AK2: variants seen among roughly 807,000 people sequenced by gnomAD.
The protein encoded by AK2 is adenylate kinase 2, mitochondrial.
In AK2, 15 loss-of-function variants were observed where a neutral mutation model predicts 24.6. The observed-to-expected ratio is 0.61, with a 90% CI of 0.41 to 0.94. AK2 has a LOEUF of 0.94. Ranked by LOEUF, AK2 falls within the 40% of genes least tolerant of loss-of-function variation. The pLI is 0.00. For synonymous variants in AK2, 102 were observed against 114.0 expected (o/e 0.90, Z 0.67); for missense variants, 257 against 304.1 (o/e 0.85, Z 1.15).
rs1403070727 is a variant in AK2, at chr1:33,010,498, G to T, written c.*2683C>A. 9.2e-6 allele frequency: 6 copies of T among 654,230 alleles called. No individual in the cohort carries two copies. Among genetic ancestry groups the T allele is most frequent in the Non-Finnish European group, 1.7e-5 (6 of 362,894 alleles). The allele number at this position is 654,230 out of a possible 1,614,324, so 40.5% of individuals were successfully genotyped here. On this transcript the variant is annotated 3_prime_UTR_variant, in exon 6 of 6. Coordinates refer to ENST00000672715, the MANE Select transcript of AK2 (RefSeq NM_001625.4). ...ATAAAAGCTGAGGTCTTAGAGCACT[G>T]GCTTTAAAAAATATTTTCACCAGTC...
At position 33,012,212 on chromosome 1, in the gene AK2, A is replaced by G; in HGVS notation, c.*969T>C. On this transcript the variant is annotated 3_prime_UTR_variant, in exon 6 of 6. Coordinates refer to ENST00000672715, the MANE Select transcript of AK2 (RefSeq NM_001625.4). Reference sequence around the variant, plus strand: ...AATTCAGTTTTCAAACCCAATTCCCAAATAATTGCTATTTTCAGCATCATG... The same window carrying G: ...AATTCAGTTTTCAAACCCAATTCCCGAATAATTGCTATTTTCAGCATCATG... The G allele has an allele frequency of 6.5e-7, 1 of 1,535,442 alleles. No individual in the cohort carries two copies. The highest frequency in any genetic ancestry group is 1.2e-5 in the South Asian group (1 of 84,052).
chr1:33,032,695 C>T (rs936726772), intron 1 of AK2, among the ~76,000 whole-genome samples: 3 of 152,266 alleles, frequency 2.0e-5, no homozygotes, highest in African/African-American at 7.2e-5. Flanking sequence ...CAGCACCCAC[C>T]ACCTGTGAAG....
intron 1 of AK2, 86 bp downstream of exon 1, chr1:33,036,650 G>T: frequency 1.5e-6 from 2 of 1,299,192 alleles, no homozygotes; most frequent in Non-Finnish European, 2.2e-6. Context: ...GGCCCGCTCC[G>T]GGCAGGTCCA....
rs1460045331 is a variant in AK2 at position 33,011,975 on chromosome 1, T to TA, written c.*1205dup. ...GTCCTGGAGAGAGACTGGGTTTGAA[T>TA]AAATACTGATCAAAATGAATCCAAG... On this transcript the variant is annotated 3_prime_UTR_variant, in exon 6 of 6. Transcript: ENST00000672715. 5.9e-6 allele frequency: 9 copies of TA among 1,534,794 alleles called. 1 individual carries two copies. The Admixed American group carries it at 1.8e-4, about 30-fold the overall frequency.
intron 1 of AK2, chr1:33,030,955 T>C (rs1176334784): frequency 6.6e-6 from 1 of 152,262 alleles, no homozygotes; most frequent in Non-Finnish European, 1.5e-5. Flanking sequence ...TACACAAATC[T>C]GTTCACATTG....
chr1:33,018,374 G>A (rs967624354), intron 4 of AK2, among the ~76,000 whole-genome samples: 1 of 151,954 alleles, frequency 6.6e-6, no homozygotes, highest in East Asian at 1.9e-4. Flanking sequence ...TCAAACAGCC[G>A]ACATCTGTGA....
In AK2 at chr1:33,021,674, A is replaced by G; in HGVS notation, c.249T>C (p.Ile83=). The part of the protein sequence containing the change: ...LVSDEMVVEL[I]EKNLETPLCK... ...ACAAGGGGGTCTCCAAATTCTTCTC[A>G]ATGAGCTCCACTACCATTTCATCAC... is the stretch of plus-strand genomic sequence containing the variant. Residue 83 remains isoleucine (I), a synonymous_variant, in exon 3 of 6, where the codon ATT becomes ATC. Transcript: ENST00000672715. 6.2e-7 allele frequency: 1 copy of G among 1,614,094 alleles called. No individual in the cohort carries two copies. The highest frequency in any genetic ancestry group is 8.5e-7 in the Non-Finnish European group (1 of 1,179,922).
chr1:33,011,440 A>T lies in AK2; in HGVS notation c.*1741T>A. The T allele has an allele frequency of 2.3e-6, 3 of 1,287,410 alleles. No individual in the cohort carries two copies. The highest frequency in any genetic ancestry group is 2.0e-6 in the Non-Finnish European group (2 of 988,790). The allele number at this position is 1,287,410 out of a possible 1,614,324, so 79.7% of individuals were successfully genotyped here. A position where few individuals can be genotyped will look rare whatever the true frequency, so the allele number is the denominator to read the frequency against. On this transcript the variant is annotated 3_prime_UTR_variant, in exon 6 of 6. Transcript: ENST00000672715. ...AAACAAGGCAGGACAGAGGCAGCAG[A>T]CACTCACTTGGACCAGGCAAAGAGG...
Position 33,009,837 on chromosome 1 carries a change from GCTT to G in AK2, c.*3341_*3343del, listed in dbSNP as rs1482940696. 8.8e-6 allele frequency: 4 copies of G among 454,368 alleles called. No individual in the cohort carries two copies. The Admixed American group carries it at 9.4e-5, about 11-fold the overall frequency. The allele number at this position is 454,368 out of a possible 1,614,324, so 28.1% of individuals were successfully genotyped here. A position where few individuals can be genotyped will look rare whatever the true frequency, so the allele number is the denominator to read the frequency against. On this transcript the variant is annotated 3_prime_UTR_variant, in exon 6 of 6. Coordinates refer to ENST00000672715, the MANE Select transcript of AK2 (RefSeq NM_001625.4). ...ACACAGCTGCCAGCGACAAGAAAGG[GCTT>G]CTTTTCCTTCCAGCCAGGTCCAGAA...
At chr1:33,018,773 C>G (rs1034854433) in intron 4 of AK2, among the ~76,000 whole-genome samples, 1 of 152,202 alleles carries the variant, frequency 6.6e-6, no homozygotes, top group Admixed American at 6.5e-5. Context: ...GAAATCTCCA[C>G]CACATCATGT....
intron 4 of AK2, among the ~76,000 whole-genome samples, chr1:33,021,051 TAGG>T (rs950881893): frequency 6.9e-6 from 1 of 144,540 alleles, no homozygotes; most frequent in East Asian, 2.1e-4. Flanking sequence ...GAGGTTGAGG[TAGG>T]AGAACTGCTT....
intron 1 of AK2, among the ~76,000 whole-genome samples, chr1:33,030,271 T>C (rs991357686): frequency 1.3e-5 from 2 of 152,184 alleles, no homozygotes; most frequent in African/African-American, 4.8e-5. Context: ...ATTTCTCCCA[T>C]CAAAAGCCTA....
intron 1 of AK2, among the ~76,000 whole-genome samples, chr1:33,032,828 G>A (rs1363770021): frequency 2.6e-5 from 4 of 152,164 alleles, no homozygotes; most frequent in African/African-American, 9.7e-5. Flanking sequence ...GAATACAACT[G>A]AAAATTCCCA....
chr1:33,027,608 C>T (rs145338054), intron 1 of AK2, among the ~76,000 whole-genome samples: 4,276 of 151,940 alleles, frequency 0.028, 71 homozygotes, highest in Middle Eastern at 0.058. Context: ...ATTAGCCAGG[C>T]GTGGTGGTGG....
At chr1:33,013,598 G>A (rs1638988805) in intron 5 of AK2, among the ~76,000 whole-genome samples, 196 bp from the exon 6 acceptor site, 1 of 152,172 alleles carries the variant, frequency 6.6e-6, no homozygotes, top group African/African-American at 2.4e-5. Flanking sequence ...AGCAGCTGGT[G>A]AACAGAAGTC....
Position 33,020,016 on chromosome 1 carries a change from C to T in AK2, c.425+1351G>A, listed in dbSNP as rs922493476. 2.7e-5 allele frequency: 41 copies of T among 1,514,744 alleles called. No homozygotes were observed. The Admixed American group carries it at 4.2e-4, about 16-fold the overall frequency. The allele number at this position is 1,514,744 out of a possible 1,614,324, so 93.8% of individuals were successfully genotyped here. ...AAGAAGGGAATGGAGGGTCCATTTGCAGTTGAAAGCTTCTGTCATACTTCT... is the reference window on the plus strand; with the variant it reads ...AAGAAGGGAATGGAGGGTCCATTTGTAGTTGAAAGCTTCTGTCATACTTCT... On this transcript the variant is annotated intron_variant, in intron 4 of 5. Coordinates refer to ENST00000672715, the MANE Select transcript of AK2 (RefSeq NM_001625.4).
In AK2 at chr1:33,023,965, G is replaced by A. The variant is rs563198182; in HGVS notation, c.219+477C>T. Among the ~76,000 whole-genome samples the A allele has an allele frequency of 3.9e-5, 6 of 152,308 alleles. No homozygotes were observed. The East Asian group carries it at 9.6e-4, about 24-fold the overall frequency. ...GAGGGTGGATCACCTGAGGTCAGGAGTTTGAGACCAGCCTGGCCAACATGG... is the reference window on the plus strand; with the variant it reads ...GAGGGTGGATCACCTGAGGTCAGGAATTTGAGACCAGCCTGGCCAACATGG... On this transcript the variant is annotated intron_variant, in intron 2 of 5. Transcript: ENST00000672715.
rs1384277722 is a variant in AK2 at position 33,010,019 on chromosome 1, T to G, written c.*3162A>C. 2.2e-6 allele frequency: 1 copy of G among 454,626 alleles called. No homozygotes were observed. Among genetic ancestry groups the G allele is most frequent in the South Asian group, 1.6e-5 (1 of 64,476 alleles). The allele number at this position is 454,626 out of a possible 1,614,324, so 28.2% of individuals were successfully genotyped here. A position where few individuals can be genotyped will look rare whatever the true frequency, so the allele number is the denominator to read the frequency against. On this transcript the variant is annotated 3_prime_UTR_variant, in exon 6 of 6. Transcript: ENST00000672715. The stretch of plus-strand genomic sequence containing the variant: ...TTGAAAATAATACATCACAGTGCTG[T>G]TGAGTGATCCCAGTCACAGGATTTG...
At chr1:33,029,970 C>A (rs949732567) in intron 1 of AK2, among the ~76,000 whole-genome samples, 7 of 152,290 alleles carry the variant, frequency 4.6e-5, no homozygotes, top group Admixed American at 4.6e-4. Flanking sequence ...CATTCCGAAG[C>A]CTTCAACATC....
Sources: gnomAD v4.1 joint callset for allele counts (sites outside exome capture counted in the v4.1 genomes callset) on GRCh38, gnomAD v4.1.1 for gene constraint, MANE v1.5 for transcripts, NCBI Gene and HGNC (gene_info 2026-07-23, HGNC 2026-07-21) for gene names.